The following PTPRJ variants were observed in gnomAD, a reference collection of about 807,000 sequenced individuals.
PTPRJ encodes receptor-type tyrosine-protein phosphatase eta.
In PTPRJ, 129 loss-of-function variants were observed where a neutral mutation model predicts 141.3. The ratio of observed to expected loss-of-function variants is 0.91; its 90% CI spans 0.79 to 1.06. The LOEUF is 1.06. Among genes scored for constraint, PTPRJ ranks in the 50% least tolerant of loss-of-function variants. PTPRJ has a pLI of 0.00. For missense variants in PTPRJ, 1,601 were observed against 1,679.7 expected (o/e 0.95, Z 0.82); for synonymous variants, 610 against 640.5 (o/e 0.95, Z 0.72).
intron 1 of PTPRJ, among the ~76,000 whole-genome samples, chr11:47,988,384 C>T (rs1049451253): frequency 1.3e-5 from 2 of 151,838 alleles, no homozygotes; most frequent in African/African-American, 4.8e-5. Context: ...TGTACCCCAG[C>T]GTGGAGTGCA....
At chr11:48,069,230 G>C (rs1855169449) in intron 1 of PTPRJ, among the ~76,000 whole-genome samples, 1 of 151,658 alleles carries the variant, frequency 6.6e-6, no homozygotes, top group African/African-American at 2.4e-5. Context: ...CTCCCGAGTA[G>C]CTGGGATTAC....
chr11:47,982,283 G>T (rs1319409750), intron 1 of PTPRJ, among the ~76,000 whole-genome samples: 1 of 152,228 alleles, frequency 6.6e-6, no homozygotes, highest in African/African-American at 2.4e-5. Flanking sequence ...ACTGGCTCCA[G>T]GGCCGGGCCA....
chr11:48,152,470 T>C (rs1445274701), intron 18 of PTPRJ, among the ~76,000 whole-genome samples: 2 of 152,092 alleles, frequency 1.3e-5, no homozygotes, highest in Non-Finnish European at 2.9e-5. Context: ...AATTTGTCAA[T>C]TTTGTCTTTT....
intron 1 of PTPRJ, among the ~76,000 whole-genome samples, chr11:48,002,722 A>G (rs1014141834): frequency 6.6e-6 from 1 of 152,172 alleles, no homozygotes; most frequent in African/African-American, 2.4e-5. Context: ...AGGTCAGGTC[A>G]CCTTGCTGAG....
chr11:48,111,477 C>T (rs1248019922), intron 2 of PTPRJ, among the ~76,000 whole-genome samples: 1 of 151,720 alleles, frequency 6.6e-6, no homozygotes, highest in Non-Finnish European at 1.5e-5. Flanking sequence ...CATATATGGG[C>T]AGATCTTGCT....
chr11:47,980,954 G>A lies in PTPRJ; in HGVS notation c.42G>A (p.Ser14=), dbSNP rs1346005571. The part of the protein sequence containing the change: ...AAREARLPPR[S]PGLRWALPLL... ...GGGAGGCGCGGCTGCCTCCGCGCTC[G>A]CCCGGGCTGCGCTGGGCGCTGCCGC... Residue 14 remains serine (S), a synonymous_variant, in exon 1 of 25, where the codon TCG becomes TCA. Transcript: ENST00000418331. 8.3e-7 allele frequency: 1 copy of A among 1,199,986 alleles called. No individual in the cohort carries two copies. The highest frequency in any genetic ancestry group is 1.0e-6 in the Non-Finnish European group (1 of 968,046). The allele number at this position is 1,199,986 out of a possible 1,614,324, so 74.3% of individuals were successfully genotyped here.
chr11:48,156,036 A>G lies in PTPRJ; in HGVS notation c.3355A>G (p.Thr1119Ala). The G allele has an allele frequency of 6.2e-7, 1 of 1,605,730 alleles. No homozygotes were observed. Among genetic ancestry groups the G allele is most frequent in the Non-Finnish European group, 8.5e-7 (1 of 1,172,310 alleles). The part of the protein sequence containing the change: ...FIATQGPLPN[T>A]LKDFWRMVWE... ...TGCCACACAAGGACCTTTACCGAAC[A>G]CTTTGAAAGATTTTTGGCGTATGGT... The change falls in exon 21 of 25, where the codon ACT (threonine) becomes GCT (alanine). Residue 1119 changes from threonine to alanine, a missense_variant. Transcript: ENST00000418331.
rs147532646 is a variant in PTPRJ, at chr11:48,067,851, A to T, written c.97-42207A>T. 7.1e-4 allele frequency among the ~76,000 whole-genome samples: 108 copies of T among 152,304 alleles called. 2 individuals carry two copies. The highest frequency in any genetic ancestry group is 2.4e-3 in the African/African-American group (99 of 41,570). On this transcript the variant is annotated intron_variant, in intron 1 of 24. Coordinates refer to ENST00000418331, the MANE Select transcript of PTPRJ (RefSeq NM_002843.4). The stretch of plus-strand genomic sequence containing the variant: ...GTGGAAATAGGATAGGAGAAACTGA[A>T]AAAAGGGGAGGCGTGCGCTCCAACA...
intron 1 of PTPRJ, among the ~76,000 whole-genome samples, chr11:47,995,196 GCC>G (rs1854301114): frequency 7.9e-5 from 12 of 152,286 alleles, no homozygotes; most frequent in Middle Eastern, 3.4e-3. Context: ...TCTGGTGATT[GCC>G]TTAAGATAAA....
intron 6 of PTPRJ, among the ~76,000 whole-genome samples, chr11:48,126,929 G>A (rs1327891845): frequency 6.6e-6 from 1 of 152,170 alleles, no homozygotes; most frequent in African/African-American, 2.4e-5. Flanking sequence ...AGGCACCCAA[G>A]ACACGACAGA....
chr11:48,135,954 G>A, intron 8 of PTPRJ, 85 bp from the exon 9 acceptor site: 1 of 1,476,354 alleles, frequency 6.8e-7, no homozygotes, highest in East Asian at 2.3e-5. Flanking sequence ...TGGCAAAAGA[G>A]CAGGTCCTCT....
At chr11:48,131,414 T>C (rs1194199962) in intron 8 of PTPRJ, 3 of 722,830 alleles carry the variant, frequency 4.2e-6, no homozygotes, top group Non-Finnish European at 7.8e-6. Flanking sequence ...TTCACAAACA[T>C]TGAGGCCATC....
intron 8 of PTPRJ, among the ~76,000 whole-genome samples, chr11:48,132,897 CA>C (rs2134354971): frequency 6.6e-6 from 1 of 152,288 alleles, no homozygotes; most frequent in Admixed American, 6.5e-5. Flanking sequence ...ATTCCCTTTG[CA>C]AATCTGCATT....
intron 1 of PTPRJ, among the ~76,000 whole-genome samples, chr11:48,022,468 A>AG (rs1853678667): frequency 2.1e-5 from 3 of 140,748 alleles, no homozygotes; most frequent in African/African-American, 5.4e-5. Context: ...CCATCTCAAG[A>AG]AAAAAAAAAA....
intron 1 of PTPRJ, among the ~76,000 whole-genome samples, chr11:47,997,493 C>CT (rs1854371903): frequency 6.6e-6 from 1 of 152,178 alleles, no homozygotes; most frequent in Admixed American, 6.5e-5. Flanking sequence ...TCACTGAGTC[C>CT]TTTTTCGGGA....
In PTPRJ at chr11:48,164,430, AC is replaced by A. The variant is rs746948726; in HGVS notation, c.3772del (p.Gln1258ArgfsTer2). The part of the protein sequence containing the change: ...GTFIAIDRLI[Y>X]QIENENTVDV... ...TTCATTGCCATTGATCGTCTCATCT[AC>A]CAGATAGAGAATGAGAACACCGTGG... On this transcript the variant is annotated frameshift_variant, in exon 24 of 25. Coordinates refer to ENST00000418331, the MANE Select transcript of PTPRJ (RefSeq NM_002843.4). LOFTEE classifies it high-confidence loss of function. 1 of 1,614,062 alleles carries A rather than the reference AC, an allele frequency of 6.2e-7. No homozygotes were observed.
At chr11:48,020,155 A>G (rs2134211096) in intron 1 of PTPRJ, among the ~76,000 whole-genome samples, 1 of 152,330 alleles carries the variant, frequency 6.6e-6, no homozygotes, top group South Asian at 2.1e-4. Flanking sequence ...TTTGTTTTAC[A>G]GAGCTGAGTT....
At position 48,167,302 on chromosome 11, in the gene PTPRJ, A is replaced by C; in HGVS notation, c.3954A>C (p.Thr1318=). The change falls in exon 25 of 25, where the codon ACA becomes ACC. Residue 1318 remains threonine, a synonymous_variant. Transcript: ENST00000418331. ...TCTACCAGAACACAACTGCAATGAC[A>C]ATCTATGAAAACCTTGCGCCCGTGA... ...DLIYQNTTAM[T]IYENLAPVTT... 1 of 1,614,028 alleles carries C rather than the reference A, an allele frequency of 6.2e-7. No homozygotes were observed. The highest frequency in any genetic ancestry group is 1.1e-5 in the South Asian group (1 of 91,078).
intron 1 of PTPRJ, among the ~76,000 whole-genome samples, chr11:48,047,208 G>T (rs1338851355): frequency 6.6e-6 from 1 of 152,106 alleles, no homozygotes; most frequent in African/African-American, 2.4e-5. Context: ...GAGCCACAGT[G>T]CCAGGCCTTA....
Sources: gnomAD v4.1 joint callset for allele counts (sites outside exome capture counted in the v4.1 genomes callset) on GRCh38, gnomAD v4.1.1 for gene constraint, MANE v1.5 for transcripts, NCBI Gene and HGNC (gene_info 2026-07-23, HGNC 2026-07-21) for gene names.